Variants in OSBPL9 observed in about 807,000 individuals in gnomAD.
The protein encoded by OSBPL9 is oxysterol binding protein like 9.
Under a neutral mutation model 106.6 loss-of-function variants are expected in OSBPL9, and 40 were observed. The ratio of observed to expected loss-of-function variants is 0.38; its 90% CI spans 0.29 to 0.49. OSBPL9 has a LOEUF of 0.49. Ranked by LOEUF, OSBPL9 falls within the 20% of genes least tolerant of loss-of-function variation. OSBPL9 has a pLI of 0.97. For synonymous variants in OSBPL9, 269 were observed against 295.4 expected (o/e 0.91, Z 0.92); for missense variants, 609 against 887.2 (o/e 0.69, Z 3.98).
At chr1:51,697,157 T>G (rs951933339) in intron 3 of OSBPL9, among the ~76,000 whole-genome samples, 1 of 150,046 alleles carries the variant, frequency 6.7e-6, no homozygotes, top group Non-Finnish European at 1.5e-5. Flanking sequence ...GAGACCGTAT[T>G]TCTCAAAAAA....
At chr1:51,600,644 G>A (rs1196146478) in intron 2 of OSBPL9, among the ~76,000 whole-genome samples, 2 of 152,038 alleles carry the variant, frequency 1.3e-5, no homozygotes, top group African/African-American at 4.8e-5. Context: ...GTCAGCTTTG[G>A]GGCCAAGTAT....
At chr1:51,707,242 G>T in intron 3 of OSBPL9, 1 of 298,292 alleles carries the variant, frequency 3.4e-6, no homozygotes, top group Non-Finnish European at 6.9e-6. Context: ...TGGTCATTGA[G>T]GGCAGTGGTG....
chr1:51,758,933 T>C (rs747056550), intron 9 of OSBPL9, among the ~76,000 whole-genome samples: 4 of 152,098 alleles, frequency 2.6e-5, no homozygotes. Context: ...AGAATCAAAG[T>C]AATAACCAGA....
At chr1:51,597,731 A>G (rs1340867679) in intron 1 of OSBPL9, among the ~76,000 whole-genome samples, 6 of 152,204 alleles carry the variant, frequency 3.9e-5, no homozygotes, top group Non-Finnish European at 8.8e-5. Context: ...AAGGAAAACA[A>G]TGACTGGCTC....
intron 1 of OSBPL9, among the ~76,000 whole-genome samples, chr1:51,640,271 G>A (rs1221185839): frequency 6.6e-6 from 1 of 152,072 alleles, no homozygotes; most frequent in African/African-American, 2.4e-5. Flanking sequence ...AATTAAACAG[G>A]TTTTTATTGA....
At chr1:51,572,491 C>G (rs1645156594), upstream of OSBPL9, among the ~76,000 whole-genome samples, 1 of 152,164 alleles carries the variant, frequency 6.6e-6, no homozygotes, top group Non-Finnish European at 1.5e-5. Flanking sequence ...TCACACTAAG[C>G]TCCTCTAGGG....
chr1:51,704,026 G>A (rs1348656783), intron 3 of OSBPL9, among the ~76,000 whole-genome samples: 3 of 152,214 alleles, frequency 2.0e-5, no homozygotes, highest in Non-Finnish European at 4.4e-5. Context: ...TGTGCTGCTG[G>A]ATTCAGTTTG....
intron 1 of OSBPL9, among the ~76,000 whole-genome samples, chr1:51,623,043 T>G (rs1644540135): frequency 1.3e-5 from 2 of 152,114 alleles, no homozygotes; most frequent in Non-Finnish European, 2.9e-5. Flanking sequence ...AAGGTGGAAG[T>G]AGTAAATTGG....
chr1:51,560,094 T>A, the OSBPL9 span, among the ~76,000 whole-genome samples: 1 of 152,098 alleles, frequency 6.6e-6, no homozygotes. Flanking sequence ...AGAAAATAAA[T>A]AAACAAACTA....
At chr1:51,542,244 C>T in the OSBPL9 span, among the ~76,000 whole-genome samples, 1 of 152,172 alleles carries the variant, frequency 6.6e-6, no homozygotes, top group Admixed American at 6.5e-5. Flanking sequence ...GCATTTATAC[C>T]TCCAGTGAGG....
chr1:51,716,462 G>A (rs1013021942), intron 4 of OSBPL9, among the ~76,000 whole-genome samples: 4 of 152,134 alleles, frequency 2.6e-5, no homozygotes, highest in Admixed American at 2.0e-4. Context: ...ATAAACTAAC[G>A]TAAACTTGCT....
chr1:51,518,831 T>C, the OSBPL9 span, among the ~76,000 whole-genome samples: 9 of 151,668 alleles, frequency 5.9e-5, no homozygotes, highest in Middle Eastern at 3.2e-3. Flanking sequence ...CTGGGATGCG[T>C]GCGGCCCTGT....
intron 4 of OSBPL9, among the ~76,000 whole-genome samples, chr1:51,714,963 A>G (rs1446716015): frequency 6.6e-6 from 1 of 152,236 alleles, no homozygotes; most frequent in Non-Finnish European, 1.5e-5. Context: ...GGTGACATGC[A>G]ACTAACGTCT....
intron 3 of OSBPL9, among the ~76,000 whole-genome samples, chr1:51,681,127 A>G (rs1183073350): frequency 6.6e-6 from 1 of 152,216 alleles, no homozygotes; most frequent in Non-Finnish European, 1.5e-5. Flanking sequence ...TGATATATTT[A>G]ATAATGTTTT....
chr1:51,670,555 A>G (rs1306678294), intron 3 of OSBPL9, among the ~76,000 whole-genome samples: 6 of 152,324 alleles, frequency 3.9e-5, no homozygotes, highest in Admixed American at 3.9e-4. Flanking sequence ...CTTCTTTCAG[A>G]AATTGACAGA....
intron 2 of OSBPL9, among the ~76,000 whole-genome samples, chr1:51,667,448 G>A (rs779844443): frequency 6.6e-6 from 1 of 152,040 alleles, no homozygotes; most frequent in Admixed American, 6.6e-5. Flanking sequence ...GACATTTTTT[G>A]TAAGTAGAAT....
At chr1:51,519,451 C>G in the OSBPL9 span, 16 of 175,282 alleles carry the variant, frequency 9.1e-5, no homozygotes, top group African/African-American at 3.6e-4. Flanking sequence ...ACCCTGGCGC[C>G]GGAGTCTCGG....
intron 8 of OSBPL9, among the ~76,000 whole-genome samples, chr1:51,753,821 AT>A (rs1669767916): frequency 6.6e-6 from 1 of 152,170 alleles, no homozygotes; most frequent in Non-Finnish European, 1.5e-5. Context: ...TTTACTGCAT[AT>A]TGGAGTCATT....
intron 20 of OSBPL9, chr1:51,785,592 A>G: frequency 1.8e-6 from 1 of 544,680 alleles, no homozygotes; most frequent in South Asian, 2.2e-5. Flanking sequence ...TTCTTGCCCA[A>G]ACCCACCATT....
Sources: allele counts gnomAD v4.1 joint callset (sites outside exome capture counted in the v4.1 genomes callset), GRCh38; gene constraint gnomAD v4.1.1; transcripts MANE v1.5; gene names NCBI Gene and HGNC (gene_info 2026-07-23, HGNC 2026-07-21).